The following CLSTN2 variants were observed in gnomAD, a reference collection of about 807,000 sequenced individuals.
The protein encoded by CLSTN2 is calsyntenin-2.
CLSTN2 carries 48 observed loss-of-function variants against 101.2 expected under a neutral mutation model. The ratio of observed to expected loss-of-function variants is 0.47; its 90% confidence interval spans 0.38 to 0.60. The LOEUF (loss-of-function observed/expected upper bound fraction) is 0.60, where lower values mean the gene tolerates loss of function less well. Among genes scored for constraint, CLSTN2 ranks in the 20% least tolerant of loss-of-function variants. The pLI is 0.00. For missense variants in CLSTN2, 1,160 were observed against 1,238.2 expected, an observed-to-expected ratio of 0.94 and a Z score of 0.95; for synonymous variants, 481 against 463.6, an observed-to-expected ratio of 1.04 and a Z score of -0.48.
chr3:140,117,530 C>G (rs549161068), intron 1 of CLSTN2, among the ~76,000 whole-genome samples: 3 of 152,268 alleles, frequency 2.0e-5, no homozygotes, highest in Middle Eastern at 3.4e-3. Flanking sequence ...ACTGCTAGCC[C>G]TCATGGAAGG....
chr3:140,547,918 G>T (rs1444522439), intron 10 of CLSTN2, among the ~76,000 whole-genome samples: 1 of 152,226 alleles, frequency 6.6e-6, no homozygotes, highest in African/African-American at 2.4e-5. Flanking sequence ...AGCTATGAGG[G>T]TTTCTGTCCT....
At chr3:140,041,926 C>G (rs968761985) in intron 1 of CLSTN2, among the ~76,000 whole-genome samples, 1 of 152,200 alleles carries the variant, frequency 6.6e-6, no homozygotes, top group Non-Finnish European at 1.5e-5. Context: ...CATGATACCT[C>G]TCTTCTGCTC....
intron 2 of CLSTN2, among the ~76,000 whole-genome samples, chr3:140,186,243 AGC>A (rs1179773587): frequency 2.0e-5 from 3 of 152,210 alleles, no homozygotes; most frequent in Non-Finnish European, 4.4e-5. Flanking sequence ...CTTAATAACA[AGC>A]TTAGACAAGT....
intron 2 of CLSTN2, among the ~76,000 whole-genome samples, chr3:140,272,290 C>T (rs894186285): frequency 1.3e-5 from 2 of 152,182 alleles, no homozygotes; most frequent in African/African-American, 4.8e-5. Flanking sequence ...TGCTGGCTGC[C>T]GTTTGTTCCT....
intron 2 of CLSTN2, among the ~76,000 whole-genome samples, chr3:140,187,593 G>A (rs190612550): frequency 7.1e-4 from 108 of 152,224 alleles, no homozygotes; most frequent in African/African-American, 2.4e-3. Flanking sequence ...TCAAATACAG[G>A]CCTGAGCTGT....
intron 1 of CLSTN2, among the ~76,000 whole-genome samples, chr3:140,090,626 G>T (rs1056131668): frequency 6.6e-6 from 1 of 152,134 alleles, no homozygotes; most frequent in Non-Finnish European, 1.5e-5. Flanking sequence ...TCCTGTTGGA[G>T]GCACAACACT....
At chr3:140,068,771 C>A (rs1198845531) in intron 1 of CLSTN2, among the ~76,000 whole-genome samples, 2 of 152,204 alleles carry the variant, frequency 1.3e-5, no homozygotes, top group African/African-American at 4.8e-5. Context: ...AACTATCATT[C>A]ATTAAACATC....
At position 140,191,062 on chromosome 3, in the gene CLSTN2, TGCCTTTTTCAAGTTGAG is replaced by T. The variant is rs1422286584; in HGVS notation, c.232+14992_232+15008del. 2.0e-5 allele frequency among the ~76,000 whole-genome samples: 3 copies of T among 152,272 alleles called. No individual in the cohort carries two copies. The East Asian group carries it at 5.8e-4, about 29-fold the overall frequency. The stretch of plus-strand genomic sequence containing the variant: ...ATGTTACCTGTAGAGGTTTTGTAAA[TGCCTTTTTCAAGTTGAG>T]GCAGTTCTTTATTTTTGGGTTTCTG... On this transcript the variant is annotated intron_variant, in intron 2 of 16. Coordinates refer to ENST00000458420, the MANE Select transcript of CLSTN2 (RefSeq NM_022131.3).
intron 2 of CLSTN2, among the ~76,000 whole-genome samples, chr3:140,401,300 G>A (rs1458883691): frequency 6.6e-6 from 1 of 152,190 alleles, no homozygotes; most frequent in African/African-American, 2.4e-5. Context: ...TTACTTGTCT[G>A]TCTTTTCTAT....
intron 1 of CLSTN2, among the ~76,000 whole-genome samples, chr3:139,963,221 G>A (rs1000461172): frequency 1.3e-5 from 2 of 152,046 alleles, no homozygotes; most frequent in African/African-American, 4.8e-5. Context: ...CACAGGGTTT[G>A]GAGCCTTACT....
Position 140,337,388 on chromosome 3 carries a change from G to T in CLSTN2, c.233-66241G>T, listed in dbSNP as rs114645844. Among the ~76,000 whole-genome samples, 1,103 of 152,122 alleles carry T rather than the reference G, an allele frequency of 7.3e-3. 13 individuals are homozygous for T. The highest frequency in any genetic ancestry group is 0.025 in the African/African-American group (1,018 of 41,474). On this transcript the variant is annotated intron_variant, in intron 2 of 16. Transcript: ENST00000458420. ...GGTATTCTCCCTGTGTCTTTATATT[G>T]TCTTCCTTCTTTACATTCTGTCCCT...
intron 2 of CLSTN2, among the ~76,000 whole-genome samples, chr3:140,203,066 T>G (rs1300658983): frequency 6.6e-6 from 1 of 152,148 alleles, no homozygotes; most frequent in Non-Finnish European, 1.5e-5. Context: ...AATGTCTACA[T>G]GGAGTAGTAC....
intron 2 of CLSTN2, among the ~76,000 whole-genome samples, chr3:140,337,621 C>T (rs376202881): frequency 3.1e-4 from 47 of 152,232 alleles, no homozygotes; most frequent in African/African-American, 1.1e-3. Context: ...TGCCTGAATC[C>T]GCATGGGAGG....
intron 2 of CLSTN2, among the ~76,000 whole-genome samples, chr3:140,187,128 C>A (rs917004880): frequency 1.2e-4 from 18 of 152,312 alleles, no homozygotes; most frequent in Admixed American, 1.0e-3. Context: ...TATAACACTG[C>A]AGCCTGCCCT....
chr3:140,392,534 T>C (rs2088127244), intron 2 of CLSTN2, among the ~76,000 whole-genome samples: 1 of 152,256 alleles, frequency 6.6e-6, no homozygotes, highest in South Asian at 2.1e-4. Context: ...TTATTAAATT[T>C]AAATTTTTTA....
chr3:140,435,330 G>C (rs969635182), intron 5 of CLSTN2, among the ~76,000 whole-genome samples: 1 of 151,904 alleles, frequency 6.6e-6, no homozygotes, highest in Non-Finnish European at 1.5e-5. Context: ...TTGTCTTTCT[G>C]TGCTTGACTT....
chr3:140,382,739 C>G (rs1450363431), intron 2 of CLSTN2, among the ~76,000 whole-genome samples: 1 of 152,172 alleles, frequency 6.6e-6, no homozygotes, highest in Non-Finnish European at 1.5e-5. Flanking sequence ...TGGTCAGGCT[C>G]TGCTGAGGGC....
At chr3:140,138,010 A>C (rs1033131993) in intron 1 of CLSTN2, among the ~76,000 whole-genome samples, 1 of 152,190 alleles carries the variant, frequency 6.6e-6, no homozygotes, top group Admixed American at 6.5e-5. Flanking sequence ...TACGACATAC[A>C]CATATTCACG....
At chr3:139,957,515 C>T (rs766225385) in intron 1 of CLSTN2, among the ~76,000 whole-genome samples, 2 of 151,236 alleles carry the variant, frequency 1.3e-5, no homozygotes, top group Non-Finnish European at 2.9e-5. Flanking sequence ...ATCTGAGAAG[C>T]CTGATTGGTT....
Sources: allele counts gnomAD v4.1 joint callset (sites outside exome capture counted in the v4.1 genomes callset), GRCh38; gene constraint gnomAD v4.1.1; transcripts MANE v1.5; gene names NCBI Gene and HGNC (gene_info 2026-07-23, HGNC 2026-07-21).